Variants in IL1RAPL2 observed in about 807,000 individuals in gnomAD.
IL1RAPL2 encodes interleukin 1 receptor accessory protein like 2.
Under a neutral mutation model 44.1 loss-of-function variants are expected in IL1RAPL2, and 3 were observed. The ratio of observed to expected loss-of-function variants is 0.07; its 90% CI spans 0.03 to 0.18. IL1RAPL2 has a LOEUF of 0.18. Ranked by LOEUF, IL1RAPL2 falls within the 10% of genes least tolerant of loss-of-function variation. IL1RAPL2 has a pLI of 1.00. For synonymous variants in IL1RAPL2, 181 were observed against 178.8 expected (o/e 1.01, Z -0.10); for missense variants, 391 against 496.4 (o/e 0.79, Z 2.02).
intron 5 of IL1RAPL2, among the ~76,000 whole-genome samples, chrX:105,359,953 C>A (rs780177892): frequency 2.2e-4 from 24 of 110,726 alleles, no homozygotes; most frequent in African/African-American, 7.5e-4. Context: ...GATCACATAG[C>A]AAGAATGTGA....
intron 2 of IL1RAPL2, among the ~76,000 whole-genome samples, chrX:104,867,453 C>G (rs1830283139): frequency 9.0e-6 from 1 of 111,307 alleles, no homozygotes; most frequent in South Asian, 3.8e-4. Flanking sequence ...AGGATTGCTT[C>G]TTATACTCAT....
chrX:104,740,688 C>T (rs1437451800), intron 2 of IL1RAPL2, among the ~76,000 whole-genome samples: 4 of 110,643 alleles, frequency 3.6e-5, no homozygotes, highest in Non-Finnish European at 7.6e-5. Context: ...GTTTGATTGG[C>T]CTTGGCTTTA....
intron 2 of IL1RAPL2, among the ~76,000 whole-genome samples, chrX:104,887,336 G>A (rs766165185): frequency 1.8e-5 from 2 of 112,063 alleles, no homozygotes; most frequent in South Asian, 3.7e-4. Context: ...CTCTTTATAC[G>A]TCACAGAGAG....
At chrX:104,582,596 T>TTTTCTTTCTTTCTTTCTTTCTTTC (rs201257788) in intron 1 of IL1RAPL2, among the ~76,000 whole-genome samples, 3 of 52,188 alleles carry the variant, frequency 5.7e-5, no homozygotes, top group Non-Finnish European at 1.1e-4. Context: ...CTTTCTTTCT[T>TTTTCTTTCTTTCTTTCTTTCTTTC]TTTCTTTCTT....
intron 2 of IL1RAPL2, among the ~76,000 whole-genome samples, chrX:104,673,308 G>C (rs12556279): frequency 0.38 from 41,690 of 109,388 alleles, 6,468 homozygotes; most frequent in Non-Finnish European, 0.48. Context: ...TTTCAGCTTT[G>C]TACATATGGC....
chrX:104,643,597 A>G (rs929159043), intron 1 of IL1RAPL2, among the ~76,000 whole-genome samples: 2 of 111,129 alleles, frequency 1.8e-5, no homozygotes, highest in African/African-American at 3.3e-5. Context: ...GGAGTGCCCA[A>G]TTGAAGGAGG....
At chrX:104,659,390 G>A (rs745917303) in intron 2 of IL1RAPL2, among the ~76,000 whole-genome samples, 58 of 111,832 alleles carry the variant, frequency 5.2e-4, no homozygotes, top group African/African-American at 1.8e-3. Context: ...ATAAATATCT[G>A]AGTTTTAGTT....
At chrX:104,884,873 C>T (rs933035476) in intron 2 of IL1RAPL2, among the ~76,000 whole-genome samples, 9 of 111,100 alleles carry the variant, frequency 8.1e-5, no homozygotes, top group African/African-American at 2.0e-4. Context: ...CTAATCTCCC[C>T]TGCCCAGAAG....
intron 6 of IL1RAPL2, among the ~76,000 whole-genome samples, chrX:105,546,826 G>C (rs2036805228): frequency 8.9e-6 from 1 of 112,074 alleles, no homozygotes; most frequent in Admixed American, 9.5e-5. Flanking sequence ...CCAATATAAT[G>C]AGCAGGATTA....
At chrX:105,145,126 C>T (rs1008855732) in intron 2 of IL1RAPL2, among the ~76,000 whole-genome samples, 1 of 111,806 alleles carries the variant, frequency 8.9e-6, no homozygotes, top group African/African-American at 3.3e-5. Flanking sequence ...CAGCAAATCC[C>T]TTGTCAAGTA....
At chrX:105,028,345 T>G (rs2031413775) in intron 2 of IL1RAPL2, among the ~76,000 whole-genome samples, 1 of 111,710 alleles carries the variant, frequency 9.0e-6, no homozygotes, top group South Asian at 3.7e-4. Flanking sequence ...TTAGATTTAT[T>G]TGTAATATAA....
intron 2 of IL1RAPL2, among the ~76,000 whole-genome samples, chrX:104,817,592 T>C (rs1243135665): frequency 1.8e-5 from 2 of 111,938 alleles, no homozygotes. Flanking sequence ...CCTAATGTAG[T>C]TGCTCAGTGG....
chrX:104,659,566 G>A (rs1453340334), intron 2 of IL1RAPL2, among the ~76,000 whole-genome samples: 1 of 112,069 alleles, frequency 8.9e-6, no homozygotes, highest in Non-Finnish European at 1.9e-5. Context: ...GCTGTAGCCA[G>A]TACATAGTCC....
intron 2 of IL1RAPL2, among the ~76,000 whole-genome samples, chrX:104,706,189 A>G (rs1270425244): frequency 9.0e-6 from 1 of 111,115 alleles, no homozygotes; most frequent in Non-Finnish European, 1.9e-5. Context: ...AAGTCACTTG[A>G]CTACTCTATG....
At chrX:105,426,260 G>C (rs1218645592) in intron 5 of IL1RAPL2, among the ~76,000 whole-genome samples, 7 of 110,516 alleles carry the variant, frequency 6.3e-5, no homozygotes, top group Non-Finnish European at 1.3e-4. Flanking sequence ...AGTCTGTAAA[G>C]TACTATGTCA....
chrX:105,591,171 T>A (rs1182931866), intron 6 of IL1RAPL2, among the ~76,000 whole-genome samples: 2 of 110,144 alleles, frequency 1.8e-5, no homozygotes, highest in African/African-American at 6.6e-5. Context: ...ATTTATCCAT[T>A]TCCTGTAGAT....
At chrX:105,202,491 G>A (rs1389674180) in intron 3 of IL1RAPL2, among the ~76,000 whole-genome samples, 1 of 112,173 alleles carries the variant, frequency 8.9e-6, no homozygotes, top group East Asian at 2.8e-4. Context: ...GAAACATTTT[G>A]GAGTGTTGGA....
At chrX:105,659,684 T>A (rs974617083) in intron 6 of IL1RAPL2, among the ~76,000 whole-genome samples, 6 of 105,022 alleles carry the variant, frequency 5.7e-5, no homozygotes, top group Admixed American at 3.0e-4. Flanking sequence ...TAAAAAAAAA[T>A]AAATAAAAGA....
intron 7 of IL1RAPL2, among the ~76,000 whole-genome samples, chrX:105,731,815 G>A (rs1178139562): frequency 9.0e-6 from 1 of 111,148 alleles, no homozygotes; most frequent in Non-Finnish European, 1.9e-5. Flanking sequence ...CTTGGGGGAG[G>A]AAGAGAGGTT....
Sources: gnomAD v4.1 joint callset for allele counts (sites outside exome capture counted in the v4.1 genomes callset) on GRCh38, gnomAD v4.1.1 for gene constraint, MANE v1.5 for transcripts, NCBI Gene and HGNC (gene_info 2026-07-23, HGNC 2026-07-21) for gene names.